SHANK2: variants seen among roughly 807,000 people sequenced by gnomAD.
SHANK2 encodes SH3 and multiple ankyrin repeat domains 2, also known as SH3 and multiple ankyrin repeat domains protein 2.
In SHANK2, 43 loss-of-function variants were observed where a neutral mutation model predicts 133.7. That is an observed-to-expected ratio of 0.32 (90% CI 0.25 to 0.41). SHANK2 has a LOEUF of 0.41. Ranked by LOEUF, SHANK2 falls within the 10% of genes least tolerant of loss-of-function variation. SHANK2 has a pLI of 1.00. For missense variants in SHANK2, 1,994 were observed against 2,235.8 expected (o/e 0.89, Z 2.18); for synonymous variants, 1,017 against 952.8 (o/e 1.07, Z -1.24).
At chr11:70,813,692 G>A (rs781839533) in intron 12 of SHANK2, among the ~76,000 whole-genome samples, 10 of 152,056 alleles carry the variant, frequency 6.6e-5, no homozygotes, top group African/African-American at 1.2e-4. Context: ...AGCCCTTAGC[G>A]TCTGTCAAAT....
intron 3 of SHANK2, among the ~76,000 whole-genome samples, chr11:71,140,508 C>T (rs1952534093): frequency 6.6e-6 from 1 of 152,226 alleles, no homozygotes; most frequent in South Asian, 2.1e-4. Context: ...CCCCTGATCT[C>T]CCAACACCCT....
intron 14 of SHANK2, among the ~76,000 whole-genome samples, chr11:70,777,917 GT>G (rs1190197771): frequency 1.3e-5 from 2 of 152,186 alleles, no homozygotes; most frequent in East Asian, 3.8e-4. Context: ...TATAGTCCAG[GT>G]TGAGGGCCAT....
intron 17 of SHANK2, among the ~76,000 whole-genome samples, chr11:70,547,009 C>A (rs915000497): frequency 1.1e-4 from 16 of 152,302 alleles, no homozygotes; most frequent in East Asian, 7.7e-4. Context: ...CTCCCACCCC[C>A]ACCTGGGATG....
chr11:70,572,320 C>T (rs780128115), intron 17 of SHANK2, among the ~76,000 whole-genome samples: 14 of 152,152 alleles, frequency 9.2e-5, no homozygotes, highest in Admixed American at 3.9e-4. Context: ...CCACCATACC[C>T]GGCTAATTTT....
intron 1 of SHANK2, among the ~76,000 whole-genome samples, chr11:71,242,262 C>T (rs1267417577): frequency 6.6e-6 from 1 of 152,020 alleles, no homozygotes; most frequent in Non-Finnish European, 1.5e-5. Flanking sequence ...TTAGTGGGGA[C>T]GTAGTTTCAG....
At chr11:70,922,938 A>G (rs901708686) in intron 10 of SHANK2, among the ~76,000 whole-genome samples, 6 of 152,188 alleles carry the variant, frequency 3.9e-5, no homozygotes, top group African/African-American at 1.4e-4. Context: ...ACCCATAAGC[A>G]AAGTTGAAAG....
At chr11:70,661,320 G>A (rs1252113855) in intron 16 of SHANK2, among the ~76,000 whole-genome samples, 1 of 152,118 alleles carries the variant, frequency 6.6e-6, no homozygotes, top group Non-Finnish European at 1.5e-5. Flanking sequence ...GAGGGAGAGA[G>A]AACCCATTCA....
intron 11 of SHANK2, among the ~76,000 whole-genome samples, chr11:70,839,989 A>T (rs1555061145): frequency 2.0e-5 from 3 of 152,212 alleles, no homozygotes; most frequent in African/African-American, 7.2e-5. Context: ...CATGGAGAGG[A>T]GGGAATGTCA....
intron 14 of SHANK2, among the ~76,000 whole-genome samples, chr11:70,736,653 T>G (rs1358620770): frequency 2.0e-5 from 3 of 152,170 alleles, no homozygotes; most frequent in African/African-American, 7.2e-5. Flanking sequence ...ATTGGACTTC[T>G]GGACTCCTGA....
At chr11:71,098,229 ACATGCCTGTGTGCATGTG>A (rs1951661024) in intron 6 of SHANK2, among the ~76,000 whole-genome samples, 2 of 139,444 alleles carry the variant, frequency 1.4e-5, no homozygotes, top group Admixed American at 7.0e-5. Context: ...CTGTGTGTCT[ACATGCCTGTGTGCATGTG>A]CATGCCTGTG....
intron 14 of SHANK2, among the ~76,000 whole-genome samples, chr11:70,758,001 T>C (rs782008832): frequency 1.4e-4 from 22 of 152,258 alleles, no homozygotes; most frequent in Non-Finnish European, 2.9e-4. Flanking sequence ...CTAGGCAGAC[T>C]AAGAATCCCT....
intron 10 of SHANK2, among the ~76,000 whole-genome samples, chr11:70,929,087 C>T (rs1950467482): frequency 1.3e-5 from 2 of 152,220 alleles, no homozygotes; most frequent in Admixed American, 1.3e-4. Context: ...GAACAATGCG[C>T]CCAAGGGCTC....
Position 70,784,630 on chromosome 11 carries a change from G to A in SHANK2, c.1777+13813C>T, listed in dbSNP as rs1055140902. On this transcript the variant is annotated intron_variant, in intron 14 of 25. Transcript: ENST00000601538. ...CCATAGAAACCCTGAGTTCTAATCC[G>A]CATTTGCCATTGACCAGCGAGGTGA... 3.3e-5 allele frequency among the ~76,000 whole-genome samples: 5 copies of A among 152,024 alleles called. No homozygotes were observed. In the East Asian group the frequency reaches 5.8e-4, roughly 18 times the overall value.
Position 71,118,950 on chromosome 11 carries a change from T to A in SHANK2, c.290A>T (p.Asp97Val). The A allele has an allele frequency of 6.4e-7, 1 of 1,551,714 alleles. No individual in the cohort carries two copies. Among genetic ancestry groups the A allele is most frequent in the South Asian group, 1.2e-5 (1 of 84,064 alleles). ...CTGGAACAGGCCGTAGTTCAGGACA[T>A]CTTTCAAACTCTGGGTTAATGTACA... ...ILCTLTQSLK[D>V]VLNYGLFQPA... The change falls in exon 4 of 26, where the codon GAT becomes GTT. Residue 97 changes from aspartate to valine, a missense_variant. Physicochemically the swap from Asp to Val is radical, Grantham distance 152. Transcript: ENST00000601538.
At chr11:70,583,196 C>T (rs1290658424) in intron 17 of SHANK2, among the ~76,000 whole-genome samples, 2 of 152,164 alleles carry the variant, frequency 1.3e-5, no homozygotes, top group Non-Finnish European at 2.9e-5. Context: ...TCAGGTATGG[C>T]TCCAAAGATG....
chr11:70,477,809 C>T (rs1004219488), intron 25 of SHANK2, among the ~76,000 whole-genome samples: 3 of 152,270 alleles, frequency 2.0e-5, no homozygotes, highest in Admixed American at 6.5e-5. Context: ...CTGGGCTGCC[C>T]GCCCTGCCCT....
chr11:70,508,090 A>G (rs1281083102), intron 17 of SHANK2, among the ~76,000 whole-genome samples: 3 of 152,236 alleles, frequency 2.0e-5, no homozygotes, highest in African/African-American at 7.2e-5. Context: ...GGCCCAGGAC[A>G]GGAAGACCCC....
intron 4 of SHANK2, among the ~76,000 whole-genome samples, 162 bp from the exon 5 acceptor site, chr11:71,113,526 A>G (rs1951926689): frequency 6.6e-6 from 1 of 152,232 alleles, no homozygotes; most frequent in African/African-American, 2.4e-5. Context: ...CCCAGAGCCT[A>G]CAACATCCTC....
At chr11:70,805,484 T>A (rs986488257) in intron 13 of SHANK2, among the ~76,000 whole-genome samples, 18 of 152,186 alleles carry the variant, frequency 1.2e-4, no homozygotes, top group African/African-American at 4.3e-4. Flanking sequence ...ATGGCCCCTC[T>A]TGCTCCCCCA....
Sources: gnomAD v4.1 joint callset for allele counts (sites outside exome capture counted in the v4.1 genomes callset) on GRCh38, gnomAD v4.1.1 for gene constraint, MANE v1.5 for transcripts, NCBI Gene and HGNC (gene_info 2026-07-23, HGNC 2026-07-21) for gene names.